ARHGAP15: variants seen among roughly 807,000 people sequenced by gnomAD.
ARHGAP15 encodes the protein rho GTPase-activating protein 15.
ARHGAP15 carries 51 observed loss-of-function variants against 63.7 expected under a neutral mutation model. The observed-to-expected ratio is 0.80, with a 90% CI of 0.64 to 1.01. The LOEUF (loss-of-function observed/expected upper bound fraction) is 1.01. Among genes scored for constraint, ARHGAP15 ranks in the 50% least tolerant of loss-of-function variants. The probability of loss-of-function intolerance (pLI) is 0.00; values close to 1 mark genes in which losing one functional copy is unlikely to be tolerated. For missense variants in ARHGAP15, 560 were observed against 564.6 expected (o/e 0.99, Z 0.08); for synonymous variants, 191 against 193.8 (o/e 0.99, Z 0.12).
chr2:143,311,250 A>C (rs1217366563), intron 6 of ARHGAP15, among the ~76,000 whole-genome samples: 3 of 151,572 alleles, frequency 2.0e-5, no homozygotes, highest in Admixed American at 2.0e-4. Context: ...AAAGACGTCC[A>C]GTTTTAGAAA....
chr2:143,386,853 G>C (rs1054548986), intron 6 of ARHGAP15, among the ~76,000 whole-genome samples: 8 of 150,076 alleles, frequency 5.3e-5, no homozygotes, highest in Non-Finnish European at 1.2e-4. Flanking sequence ...TTTTTTTGGT[G>C]GGAACATGGA....
intron 3 of ARHGAP15, among the ~76,000 whole-genome samples, chr2:143,209,917 C>T (rs917738974): frequency 3.3e-5 from 5 of 152,092 alleles, no homozygotes; most frequent in African/African-American, 1.2e-4. Flanking sequence ...CTCTCCCATC[C>T]AGCTCCACAT....
chr2:143,416,134 T>TAAAA (rs34883043), intron 6 of ARHGAP15, among the ~76,000 whole-genome samples: 1 of 140,794 alleles, frequency 7.1e-6, no homozygotes, highest in Non-Finnish European at 1.5e-5. Flanking sequence ...AAATAATAAT[T>TAAAA]AAAAAAAAAA....
chr2:143,531,167 C>G (rs1329601630), intron 10 of ARHGAP15, among the ~76,000 whole-genome samples: 3 of 151,658 alleles, frequency 2.0e-5, no homozygotes, highest in Non-Finnish European at 4.4e-5. Flanking sequence ...CTTTAATATC[C>G]TAACTGAGGA....
At chr2:143,464,589 CAG>C (rs1203831129) in intron 8 of ARHGAP15, among the ~76,000 whole-genome samples, 1 of 152,076 alleles carries the variant, frequency 6.6e-6, no homozygotes, top group Non-Finnish European at 1.5e-5. Flanking sequence ...ATATAAATGA[CAG>C]AAATTTCTAT....
At chr2:143,415,728 T>A (rs1574416322) in intron 6 of ARHGAP15, among the ~76,000 whole-genome samples, 1 of 152,114 alleles carries the variant, frequency 6.6e-6, no homozygotes, top group East Asian at 1.9e-4. Flanking sequence ...CCAAACCAAA[T>A]GCCCATTAAT....
At chr2:143,664,194 G>T (rs926524496) in intron 12 of ARHGAP15, among the ~76,000 whole-genome samples, 2 of 152,090 alleles carry the variant, frequency 1.3e-5, no homozygotes, top group Admixed American at 1.3e-4. Flanking sequence ...AAACGTAAAA[G>T]AACAGAGATT....
intron 6 of ARHGAP15, among the ~76,000 whole-genome samples, chr2:143,388,111 C>A (rs1298116363): frequency 1.3e-5 from 2 of 152,092 alleles, no homozygotes; most frequent in Non-Finnish European, 2.9e-5. Flanking sequence ...TACTGTGCAC[C>A]TGACAGTTAA....
At chr2:143,619,105 A>C (rs1698558936) in intron 11 of ARHGAP15, among the ~76,000 whole-genome samples, 1 of 152,022 alleles carries the variant, frequency 6.6e-6, no homozygotes, top group South Asian at 2.1e-4. Context: ...GAGTCACTAT[A>C]CATGGACAGT....
chr2:143,425,085 A>C (rs1214681639), intron 6 of ARHGAP15, among the ~76,000 whole-genome samples: 1 of 152,134 alleles, frequency 6.6e-6, no homozygotes, highest in African/African-American at 2.4e-5. Context: ...TAGTGCTACC[A>C]ATACATTTTT....
chr2:143,700,689 T>A (rs766313308), intron 12 of ARHGAP15, among the ~76,000 whole-genome samples: 1 of 148,604 alleles, frequency 6.7e-6, no homozygotes, highest in African/African-American at 2.5e-5. Flanking sequence ...TATATATGAG[T>A]GTGTGTGTGT....
At chr2:143,735,566 A>T (rs957152561) in intron 13 of ARHGAP15, among the ~76,000 whole-genome samples, 2 of 152,184 alleles carry the variant, frequency 1.3e-5, no homozygotes, top group African/African-American at 4.8e-5. Context: ...TCAAAAAATT[A>T]TTCTTCTTGT....
chr2:143,673,758 G>GTGTGTGTGTGTGTATATATA (rs1553520615), intron 12 of ARHGAP15, among the ~76,000 whole-genome samples: 8 of 22,114 alleles, frequency 3.6e-4, no homozygotes, highest in Non-Finnish European at 8.5e-4. Context: ...GTGTGTGTGT[G>GTGTGTGTGTGTGTATATATA]TATATATATA....
chr2:143,679,768 A>G (rs978594484), intron 12 of ARHGAP15, among the ~76,000 whole-genome samples: 1 of 151,926 alleles, frequency 6.6e-6, no homozygotes, highest in Admixed American at 6.6e-5. Context: ...CTGGAAGGGA[A>G]TGGAGGCAGC....
chr2:143,542,363 C>T (rs959050777), intron 10 of ARHGAP15, among the ~76,000 whole-genome samples: 6 of 152,012 alleles, frequency 3.9e-5, no homozygotes, highest in East Asian at 3.9e-4. Context: ...GGCTCATGCA[C>T]GGTGCACTGC....
intron 5 of ARHGAP15, among the ~76,000 whole-genome samples, chr2:143,249,273 C>G (rs944726951): frequency 6.6e-6 from 1 of 150,444 alleles, no homozygotes; most frequent in Non-Finnish European, 1.5e-5. Context: ...TACAATGTTT[C>G]AAAAAAAAAT....
intron 4 of ARHGAP15, among the ~76,000 whole-genome samples, chr2:143,227,463 G>C (rs925573658): frequency 1.3e-5 from 2 of 152,126 alleles, no homozygotes; most frequent in African/African-American, 4.8e-5. Context: ...ATGGAGGATA[G>C]AGGTGAAATT....
chr2:143,447,905 G>A (rs1173683947), intron 8 of ARHGAP15, among the ~76,000 whole-genome samples: 1 of 152,066 alleles, frequency 6.6e-6, no homozygotes, highest in African/African-American at 2.4e-5. Context: ...TTTTGGTTTG[G>A]GTTCCTCCAG....
At chr2:143,663,537 A>G (rs1681954849) in intron 12 of ARHGAP15, among the ~76,000 whole-genome samples, 1 of 150,028 alleles carries the variant, frequency 6.7e-6, no homozygotes, top group African/African-American at 2.4e-5. Flanking sequence ...CTAACATCAT[A>G]ATGACAGGAT....
Sources: allele counts gnomAD v4.1 joint callset (sites outside exome capture counted in the v4.1 genomes callset), GRCh38; gene constraint gnomAD v4.1.1; transcripts MANE v1.5; gene names NCBI Gene and HGNC (gene_info 2026-07-23, HGNC 2026-07-21).